Variants in TMEM179 observed in about 807,000 individuals in gnomAD.
TMEM179 encodes the protein transmembrane protein 179A.
Under a neutral mutation model 22.2 loss-of-function variants are expected in TMEM179, and 17 were observed. The ratio of observed to expected loss-of-function variants is 0.77; its 90% CI spans 0.52 to 1.15. The LOEUF (loss-of-function observed/expected upper bound fraction) is 1.15. TMEM179 is among the 50% of genes most tolerant of loss of function. TMEM179 has a pLI of 0.00. For synonymous variants in TMEM179, 127 were observed against 140.5 expected (o/e 0.90, Z 0.68); for missense variants, 265 against 313.6 (o/e 0.84, Z 1.17).
At chr14:104,600,093 A>C (rs1887185839) in intron 1 of TMEM179, among the ~76,000 whole-genome samples, 2 of 152,218 alleles carry the variant, frequency 1.3e-5, no homozygotes, top group East Asian at 1.9e-4. Context: ...CTGCCAGCTG[A>C]CAGCCTCGGT....
intron 3 of TMEM179, chr14:104,593,990 T>G (rs1817877506): frequency 8.5e-7 from 1 of 1,175,754 alleles, no homozygotes; most frequent in Non-Finnish European, 1.1e-6. Flanking sequence ...TGCTTTCTCC[T>G]CCAGCAGCTC....
Position 104,593,587 on chromosome 14 carries a change from G to C in TMEM179, c.594C>G (p.Asn198Lys). 6.6e-7 allele frequency: 1 copy of C among 1,525,292 alleles called. No individual in the cohort carries two copies. Among genetic ancestry groups the C allele is most frequent in the Non-Finnish European group, 8.8e-7 (1 of 1,140,088 alleles). 94.5% of individuals were successfully genotyped at this position (1,525,292 alleles called of 1,614,324 possible). Residue 198 changes from asparagine (N) to lysine (K), a missense_variant, in exon 4 of 4, where the codon AAC (asparagine) becomes AAG (lysine). Asn to Lys is a moderately conservative substitution (Grantham distance 94). Coordinates refer to ENST00000556573, the MANE Select transcript of TMEM179 (RefSeq NM_001286389.2). ...TTLAFLKVYH[N>K]YRQEDLLDSL... The stretch of plus-strand genomic sequence containing the variant: ...TGTCCAGCAGGTCCTCCTGACGGTA[G>C]TTGTGGTAGACCTTCAGGAAGGCCA...
intron 3 of TMEM179, chr14:104,594,195 G>A: frequency 8.1e-7 from 1 of 1,231,912 alleles, no homozygotes; most frequent in Non-Finnish European, 1.0e-6. Flanking sequence ...AATCCAACTG[G>A]CACAAATTAG....
Position 104,597,319 on chromosome 14 carries a change from C to T in TMEM179, c.306-192G>A, listed in dbSNP as rs1887066027. On this transcript the variant is annotated intron_variant, in intron 1 of 3. Coordinates refer to ENST00000556573, the MANE Select transcript of TMEM179 (RefSeq NM_001286389.2). The surrounding 1 kb of genome is among the most constrained non-coding windows in gnomAD (Gnocchi z 4.8). ...CTGTGGGGCCTCAAGGAGTTGTTCCCCCTGCCTGCGGTCCCTCGGGCAGCT... is the reference window on the plus strand; with the variant it reads ...CTGTGGGGCCTCAAGGAGTTGTTCCTCCTGCCTGCGGTCCCTCGGGCAGCT... Among the ~76,000 whole-genome samples, 1 of 152,118 alleles carries T rather than the reference C, an allele frequency of 6.6e-6. No homozygotes were observed. Among genetic ancestry groups the T allele is most frequent in the Non-Finnish European group, 1.5e-5 (1 of 68,008 alleles).
chr14:104,591,147 C>T lies in TMEM179; in HGVS notation c.*2332G>A, dbSNP rs1173463443. On this transcript the variant is annotated 3_prime_UTR_variant, in exon 4 of 4. Coordinates refer to ENST00000556573, the MANE Select transcript of TMEM179 (RefSeq NM_001286389.2). The stretch of plus-strand genomic sequence containing the variant: ...CGATGTGTCTGGGCTCCGGAGACAG[C>T]CCAGTCCAGGGTGGGTCTATGTCTG... 5.9e-6 allele frequency: 2 copies of T among 340,714 alleles called. No homozygotes were observed. The highest frequency in any genetic ancestry group is 1.2e-5 in the Non-Finnish European group (2 of 173,318). The allele number at this position is 340,714 out of a possible 1,614,324, so 21.1% of individuals were successfully genotyped here.
chr14:104,591,417 C>T lies in TMEM179; in HGVS notation c.*2062G>A, dbSNP rs539332975. 40 of 456,026 alleles carry T rather than the reference C, an allele frequency of 8.8e-5. No homozygotes were observed. The highest frequency in any genetic ancestry group is 1.7e-4 in the Non-Finnish European group (38 of 226,772). The allele number at this position is 456,026 out of a possible 1,614,324, so 28.2% of individuals were successfully genotyped here. On this transcript the variant is annotated 3_prime_UTR_variant, in exon 4 of 4. Coordinates refer to ENST00000556573, the MANE Select transcript of TMEM179 (RefSeq NM_001286389.2). ...GGACACAGACAAGGAGCTCTCCGGA[C>T]TGGAAAGAGTCCCCATGTCCAGTGG...
At chr14:104,594,277 A>G in intron 3 of TMEM179, 2 of 1,231,794 alleles carry the variant, frequency 1.6e-6, no homozygotes, top group Non-Finnish European at 2.0e-6. Context: ...CTCGGCAAAG[A>G]GCATTCAGGC....
intron 2 of TMEM179, among the ~76,000 whole-genome samples, chr14:104,596,252 G>A (rs1887018148): frequency 6.6e-6 from 1 of 152,240 alleles, no homozygotes; most frequent in Non-Finnish European, 1.5e-5. Flanking sequence ...GGAAACTCTG[G>A]AGGGTTCCTG....
chr14:104,597,457 C>T lies in TMEM179; in HGVS notation c.306-330G>A, dbSNP rs531676212. Reference sequence around the variant, plus strand: ...GCACCCAGGGTGGAAGTGAATGACACCCTTCCAAAGCCGTCCAGCCACAGT... The same window carrying T: ...GCACCCAGGGTGGAAGTGAATGACATCCTTCCAAAGCCGTCCAGCCACAGT... On this transcript the variant is annotated intron_variant, in intron 1 of 3. Transcript: ENST00000556573. This position sits in a 1 kb window ranked among gnomAD's most constrained non-coding sequence, Gnocchi z 4.8. Among the ~76,000 whole-genome samples the T allele has an allele frequency of 2.0e-5, 3 of 152,288 alleles. No individual in the cohort carries two copies. The South Asian group carries it at 6.2e-4, about 32-fold the overall frequency.
At chr14:104,599,522 T>G (rs80236181) in intron 1 of TMEM179, among the ~76,000 whole-genome samples, 5,895 of 152,304 alleles carry the variant, frequency 0.039, 162 homozygotes, top group Middle Eastern at 0.068. Context: ...GTGAGCCATC[T>G]GCTGCTGCTG....
chr14:104,598,931 C>T (rs565663750), intron 1 of TMEM179, among the ~76,000 whole-genome samples: 4 of 152,334 alleles, frequency 2.6e-5, no homozygotes, highest in East Asian at 1.9e-4. Context: ...CACACGTACG[C>T]GTGGGGGGTG....
Position 104,592,292 on chromosome 14 carries a change from G to A in TMEM179, c.*1187C>T. 1 of 154,694 alleles carries A rather than the reference G, an allele frequency of 6.5e-6. No homozygotes were observed. Among genetic ancestry groups the A allele is most frequent in the South Asian group, 1.8e-4 (1 of 5,516 alleles). The allele number at this position is 154,694 out of a possible 1,614,324, so 9.6% of individuals were successfully genotyped here. ...CACTCTTCCTCACACTCACATGCAT[G>A]CACACTCATGTCACAGGGAGTCACA... On this transcript the variant is annotated 3_prime_UTR_variant, in exon 4 of 4. Transcript: ENST00000556573.
In TMEM179 at chr14:104,604,532, G is replaced by A; in HGVS notation, c.210C>T (p.Ala70=). Residue 70 remains alanine, a synonymous_variant, in exon 1 of 4, where the codon GCC becomes GCT. Coordinates refer to ENST00000556573, the MANE Select transcript of TMEM179 (RefSeq NM_001286389.2). The surrounding 1 kb of genome is among the most constrained non-coding windows in gnomAD (Gnocchi z 4.6). The stretch of plus-strand genomic sequence containing the variant: ...GGCTGGCGAGCAGGCTGAAGCGGCA[G>A]GCGGCCGGCGGGCCCCACTCCTGCA... ...FTVQEWGPPA[A]CRFSLLASLL... 6.5e-7 allele frequency: 1 copy of A among 1,543,410 alleles called. No individual in the cohort carries two copies. Among genetic ancestry groups the A allele is most frequent in the Non-Finnish European group, 8.7e-7 (1 of 1,148,084 alleles).
rs1886876084 is a variant in TMEM179 at position 104,592,349 on chromosome 14, ACAAT to A, written c.*1126_*1129del. 1 of 154,180 alleles carries A rather than the reference ACAAT, an allele frequency of 6.5e-6. No individual in the cohort carries two copies. Among genetic ancestry groups the A allele is most frequent in the African/African-American group, 2.4e-5 (1 of 41,380 alleles). 9.6% of individuals were successfully genotyped at this position (154,180 alleles called of 1,614,324 possible). On this transcript the variant is annotated 3_prime_UTR_variant, in exon 4 of 4. Coordinates refer to ENST00000556573, the MANE Select transcript of TMEM179 (RefSeq NM_001286389.2). ...CACTCACATCCTCCCAGGCACACTCACAATCAAGCCTTCACACGCACAACAGTCA... is the reference window on the plus strand; with the variant it reads ...CACTCACATCCTCCCAGGCACACTCACAAGCCTTCACACGCACAACAGTCA...
In TMEM179 at chr14:104,597,317, C is replaced by G. The variant is rs1887065693; in HGVS notation, c.306-190G>C. Reference sequence around the variant, plus strand: ...CCCTGTGGGGCCTCAAGGAGTTGTTCCCCCTGCCTGCGGTCCCTCGGGCAG... The same window carrying G: ...CCCTGTGGGGCCTCAAGGAGTTGTTGCCCCTGCCTGCGGTCCCTCGGGCAG... On this transcript the variant is annotated intron_variant, in intron 1 of 3. Coordinates refer to ENST00000556573, the MANE Select transcript of TMEM179 (RefSeq NM_001286389.2). The surrounding 1 kb of genome is among the most constrained non-coding windows in gnomAD (Gnocchi z 4.8). 6.6e-6 allele frequency among the ~76,000 whole-genome samples: 1 copy of G among 152,110 alleles called. No homozygotes were observed. Among genetic ancestry groups the G allele is most frequent in the Non-Finnish European group, 1.5e-5 (1 of 68,000 alleles).
chr14:104,594,751 G>A, intron 3 of TMEM179: 1 of 1,133,676 alleles, frequency 8.8e-7, no homozygotes. Flanking sequence ...CTGGCTAGGG[G>A]ACTCCTCTAA....
chr14:104,594,393 GA>G (rs1279388108), intron 3 of TMEM179: 1 of 1,231,674 alleles, frequency 8.1e-7, no homozygotes, highest in Non-Finnish European at 1.0e-6. Context: ...TCCGGAATTG[GA>G]CCTGAAGCCA....
chr14:104,595,317 A>G lies in TMEM179; in HGVS notation c.444-74T>C. The G allele has an allele frequency of 6.8e-7, 1 of 1,464,366 alleles. No individual in the cohort carries two copies. The highest frequency in any genetic ancestry group is 9.4e-7 in the Non-Finnish European group (1 of 1,068,970). 90.7% of individuals were successfully genotyped at this position (1,464,366 alleles called of 1,614,324 possible). On this transcript the variant is annotated intron_variant, in intron 2 of 3. Coordinates refer to ENST00000556573, the MANE Select transcript of TMEM179 (RefSeq NM_001286389.2). This position sits in a 1 kb window ranked among gnomAD's most constrained non-coding sequence, Gnocchi z 5.7. The stretch of plus-strand genomic sequence containing the variant: ...GCGGGACATGGCTGAGCCGCTGGCC[A>G]GAGAGCCAGGAGCTTTGCCCTACAA...
intron 1 of TMEM179, among the ~76,000 whole-genome samples, chr14:104,598,168 G>T (rs1037909380): frequency 1.3e-5 from 2 of 152,154 alleles, no homozygotes; most frequent in African/African-American, 4.8e-5. Flanking sequence ...TCCCTCGAAT[G>T]GGCCTGGGGT....
Sources: allele counts gnomAD v4.1 joint callset (sites outside exome capture counted in the v4.1 genomes callset), GRCh38; gene constraint gnomAD v4.1.1; non-coding constraint Gnocchi (gnomAD v3.1); transcripts MANE v1.5; gene names NCBI Gene and HGNC (gene_info 2026-07-23, HGNC 2026-07-21).